Variants in CFAP47 observed in about 807,000 individuals in gnomAD.
The protein encoded by CFAP47 is cilia- and flagella-associated protein 47.
In CFAP47, 29 loss-of-function variants were observed where a neutral mutation model predicts 148.1. That is an observed-to-expected ratio of 0.20 (90% CI 0.15 to 0.27). The LOEUF is 0.27. Among genes scored for constraint, CFAP47 ranks in the 10% least tolerant of loss-of-function variants. The pLI, the probability that CFAP47 is intolerant of heterozygous loss-of-function variation, is 1.00. For synonymous variants in CFAP47, 664 were observed against 577.3 expected, an observed-to-expected ratio of 1.15 and a Z score of -2.15; for missense variants, 1,872 against 1,697.5, an observed-to-expected ratio of 1.10 and a Z score of -1.81.
chrX:35,943,060 T>C (rs1041383232), intron 3 of CFAP47, among the ~76,000 whole-genome samples: 10 of 111,435 alleles, frequency 9.0e-5, no homozygotes, highest in Non-Finnish European at 1.7e-4. Context: ...GATTATTGTT[T>C]CTACTATTAT....
intron 51 of CFAP47, among the ~76,000 whole-genome samples, chrX:36,295,586 C>T (rs1172103606): frequency 8.9e-6 from 1 of 111,809 alleles, no homozygotes; most frequent in East Asian, 2.8e-4. Flanking sequence ...CAATTTTGAT[C>T]GTCTTATAAA....
chrX:35,981,079 T>C (rs1376210609), intron 15 of CFAP47, among the ~76,000 whole-genome samples: 1 of 109,824 alleles, frequency 9.1e-6, no homozygotes, highest in Non-Finnish European at 1.9e-5. Flanking sequence ...ACAATAAATA[T>C]AACATTAGTA....
intron 42 of CFAP47, 113 bp downstream of exon 42, chrX:36,190,309 C>T (rs895315519): frequency 6.9e-6 from 2 of 288,708 alleles, no homozygotes; most frequent in Non-Finnish European, 1.2e-5. Flanking sequence ...ATGATTTCAG[C>T]TCTCAAGTTA....
chrX:36,331,576 C>T (rs1394721560), intron 57 of CFAP47, among the ~76,000 whole-genome samples: 1 of 111,510 alleles, frequency 9.0e-6, no homozygotes, highest in East Asian at 2.8e-4. Flanking sequence ...TAATTTACTC[C>T]CCAAAGATTT....
intron 39 of CFAP47, among the ~76,000 whole-genome samples, chrX:36,169,471 C>A (rs1342136825): frequency 9.1e-6 from 1 of 110,417 alleles, no homozygotes; most frequent in Admixed American, 9.7e-5. Flanking sequence ...TCTCCCTGTT[C>A]CTCAAAAGAA....
chrX:36,372,024 G>C, intron 62 of CFAP47, among the ~76,000 whole-genome samples: 1 of 99,399 alleles, frequency 1.0e-5, no homozygotes, highest in South Asian at 4.5e-4. Flanking sequence ...ATGTGTATAT[G>C]TATATATGTG....
At chrX:36,384,673 C>A (rs1942110622) in intron 63 of CFAP47, 124 bp from the exon 64 acceptor site, 1 of 460,033 alleles carries the variant, frequency 2.2e-6, no homozygotes, top group Admixed American at 4.1e-5. Context: ...TAAGTGGTTT[C>A]AGTTTTGTAC....
rs782184548 is a variant in CFAP47, at chrX:36,369,081, G to C, written c.9185+1954G>C. Among the ~76,000 whole-genome samples, 10 of 111,228 alleles carry C rather than the reference G, an allele frequency of 9.0e-5. No individual in the cohort carries two copies. The South Asian group carries it at 3.0e-3, about 33-fold the overall frequency. Reference sequence around the variant, plus strand: ...TTTGGTTTAAAATTAGAAGTAGTCTGTTTCTTCTATTCTGATATATTTCTG... The same window carrying C: ...TTTGGTTTAAAATTAGAAGTAGTCTCTTTCTTCTATTCTGATATATTTCTG... On this transcript the variant is annotated intron_variant, in intron 62 of 63. Coordinates refer to ENST00000378653, the MANE Select transcript of CFAP47 (RefSeq NM_001304548.2).
intron 37 of CFAP47, among the ~76,000 whole-genome samples, chrX:36,159,070 A>G (rs1437878161): frequency 1.8e-5 from 2 of 111,676 alleles, no homozygotes; most frequent in Non-Finnish European, 3.8e-5. Context: ...TACTTTCTTA[A>G]TGTTTCCACA....
At chrX:35,921,282 G>A (rs1169326868) in intron 1 of CFAP47, among the ~76,000 whole-genome samples, 1 of 111,565 alleles carries the variant, frequency 9.0e-6, no homozygotes, top group African/African-American at 3.3e-5. Flanking sequence ...ATGGAATCAG[G>A]TTTTAATGAT....
intron 33 of CFAP47, among the ~76,000 whole-genome samples, chrX:36,134,191 T>C (rs1938999662): frequency 1.8e-5 from 2 of 111,134 alleles, no homozygotes; most frequent in African/African-American, 3.3e-5. Context: ...TAGAGAAATA[T>C]AGCATGCACA....
intron 59 of CFAP47, among the ~76,000 whole-genome samples, chrX:36,351,659 G>A (rs187816568): frequency 1.5e-3 from 164 of 111,588 alleles, no homozygotes; most frequent in Non-Finnish European, 4.5e-4. Flanking sequence ...CATTTTTCTT[G>A]GTAATTACTT....
chrX:36,121,611 A>G (rs1386595125), intron 33 of CFAP47, among the ~76,000 whole-genome samples: 1 of 111,553 alleles, frequency 9.0e-6, no homozygotes, highest in East Asian at 2.8e-4. Context: ...ATAACAACTT[A>G]ACACTGGTTG....
At position 36,228,897 on chromosome X, in the gene CFAP47, T is replaced by C. The variant is rs782817580; in HGVS notation, c.7014+73T>C. 1.2e-4 allele frequency: 54 copies of C among 464,035 alleles called. No individual in the cohort carries two copies. In the East Asian group the frequency reaches 2.0e-3, roughly 17 times the overall value. The allele number at this position is 464,035 out of a possible 1,213,427, so 38.2% of individuals were successfully genotyped here. A position where few individuals can be genotyped will look rare whatever the true frequency, so the allele number is the denominator to read the frequency against. The stretch of plus-strand genomic sequence containing the variant: ...TGTCAATTAAAGTCCTCCAGACCTC[T>C]CATCTTGGACTATTACAAATTTCTG... On this transcript the variant is annotated intron_variant, in intron 46 of 63. Transcript: ENST00000378653.
At position 36,359,259 on chromosome X, in the gene CFAP47, TC is replaced by T. The variant is rs782645806; in HGVS notation, c.8852-2070del. The stretch of plus-strand genomic sequence containing the variant: ...CGAGGTAAAAATTTATAGGTCTTCA[TC>T]AGCAGTTCATGAAAATGTATACAGA... On this transcript the variant is annotated intron_variant, in intron 60 of 63. Transcript: ENST00000378653. 3.2e-4 allele frequency among the ~76,000 whole-genome samples: 36 copies of T among 111,758 alleles called. No homozygotes were observed. The South Asian group carries it at 0.012, about 39-fold the overall frequency.
At chrX:36,250,811 A>T (rs1276195240) in intron 48 of CFAP47, among the ~76,000 whole-genome samples, 3 of 111,286 alleles carry the variant, frequency 2.7e-5, no homozygotes, top group Non-Finnish European at 3.8e-5. Context: ...TCATATGTAG[A>T]GACACAAAGT....
At chrX:35,971,533 T>C in intron 11 of CFAP47, 53 bp from the exon 12 acceptor site, 2 of 846,326 alleles carry the variant, frequency 2.4e-6, no homozygotes. Flanking sequence ...ACAGATGCAT[T>C]TTTTGAATGA....
chrX:36,378,478 A>G (rs1400029708), intron 62 of CFAP47, among the ~76,000 whole-genome samples: 1 of 112,287 alleles, frequency 8.9e-6, no homozygotes, highest in Non-Finnish European at 1.9e-5. Context: ...AAATGCCTAA[A>G]TTTCCATTAA....
chrX:36,357,998 G>A (rs1281061227), intron 60 of CFAP47, among the ~76,000 whole-genome samples: 1 of 111,276 alleles, frequency 9.0e-6, no homozygotes, highest in African/African-American at 3.3e-5. Flanking sequence ...CCTGTTTTTT[G>A]TAAACTCCCA....
Sources: allele counts gnomAD v4.1 joint callset (sites outside exome capture counted in the v4.1 genomes callset), GRCh38; gene constraint gnomAD v4.1.1; transcripts MANE v1.5; gene names NCBI Gene and HGNC (gene_info 2026-07-23, HGNC 2026-07-21).